Variants in USP34 observed in about 807,000 individuals in gnomAD.
The protein encoded by USP34 is ubiquitin carboxyl-terminal hydrolase 34.
In USP34, 70 loss-of-function variants were observed where a neutral mutation model predicts 460.3. That is an observed-to-expected ratio of 0.15 (90% CI 0.13 to 0.19). USP34 has a LOEUF of 0.19. Among genes scored for constraint, USP34 ranks in the 10% least tolerant of loss-of-function variants. The pLI, the probability that USP34 is intolerant of heterozygous loss-of-function variation, is 1.00. For missense variants in USP34, 3,985 were observed against 4,236.2 expected, an observed-to-expected ratio of 0.94 and a Z score of 1.65; for synonymous variants, 1,647 against 1,405.3, an observed-to-expected ratio of 1.17 and a Z score of -3.85.
At chr2:61,351,589 A>G (rs1391647721) in intron 10 of USP34, among the ~76,000 whole-genome samples, 2 of 152,296 alleles carry the variant, frequency 1.3e-5, no homozygotes, top group East Asian at 1.9e-4. Context: ...CTTTTAATAC[A>G]TAAAAAAATC....
chr2:61,379,692 A>G (rs946010062), intron 7 of USP34, among the ~76,000 whole-genome samples: 4 of 152,208 alleles, frequency 2.6e-5, no homozygotes, highest in African/African-American at 9.6e-5. Context: ...CCTTCTTCCA[A>G]CCCCCTCACC....
At position 61,227,303 on chromosome 2, in the gene USP34, T is replaced by C. The variant is rs377415305; in HGVS notation, c.7444-85A>G. The C allele has an allele frequency of 2.1e-5, 30 of 1,453,028 alleles. 1 individual carries two copies. The highest frequency in any genetic ancestry group is 4.0e-4 in the Middle Eastern group (2 of 5,018). 90.0% of individuals were successfully genotyped at this position (1,453,028 alleles called of 1,614,324 possible). A position where few individuals can be genotyped will look rare whatever the true frequency, so the allele number is the denominator to read the frequency against. ...AAATGACTTGTTTTATGTAACAGTG[T>C]AGATGGTGGCAGGAGCTTGTAACAT... On this transcript the variant is annotated intron_variant, in intron 61 of 79. Transcript: ENST00000398571.
intron 29 of USP34, among the ~76,000 whole-genome samples, chr2:61,298,286 C>G (rs931859329): frequency 2.1e-5 from 3 of 142,022 alleles, no homozygotes; most frequent in African/African-American, 5.3e-5. Context: ...CTTTGGGAGG[C>G]AGAGGTGGGC....
chr2:61,340,697 T>C (rs1691568547), intron 16 of USP34, among the ~76,000 whole-genome samples: 1 of 152,212 alleles, frequency 6.6e-6, no homozygotes, highest in South Asian at 2.1e-4. Context: ...TCTTTTCGTA[T>C]GCTTATTAGC....
chr2:61,297,914 C>T (rs915925500), intron 29 of USP34, among the ~76,000 whole-genome samples: 3 of 152,084 alleles, frequency 2.0e-5, no homozygotes, highest in African/African-American at 7.2e-5. Flanking sequence ...GCTTGATGAA[C>T]AAAGAGAAGC....
At chr2:61,385,561 A>G (rs1175514910) in intron 5 of USP34, among the ~76,000 whole-genome samples, 1 of 148,204 alleles carries the variant, frequency 6.7e-6, no homozygotes, top group Non-Finnish European at 1.5e-5. Context: ...AGTCCCAGCT[A>G]CTTGGGAGGC....
chr2:61,362,173 T>C (rs897705361), intron 10 of USP34, among the ~76,000 whole-genome samples: 12 of 152,194 alleles, frequency 7.9e-5, no homozygotes, highest in African/African-American at 2.9e-4. Context: ...TAGCAAGAAA[T>C]GTGGAGAAAT....
intron 29 of USP34, among the ~76,000 whole-genome samples, chr2:61,299,519 G>T (rs1456655631): frequency 2.6e-5 from 4 of 152,132 alleles, no homozygotes; most frequent in African/African-American, 4.8e-5. Flanking sequence ...TTAGGAGGCT[G>T]AGGTGGGAGG....
intron 1 of USP34, among the ~76,000 whole-genome samples, chr2:61,442,329 G>A (rs1215885620): frequency 6.7e-6 from 1 of 149,804 alleles, no homozygotes; most frequent in African/African-American, 2.5e-5. Context: ...CCTACAGAAT[G>A]AGACAAACTA....
intron 1 of USP34, among the ~76,000 whole-genome samples, chr2:61,429,712 GACTT>G (rs1473272041): frequency 6.6e-6 from 1 of 152,166 alleles, no homozygotes; most frequent in African/African-American, 2.4e-5. Flanking sequence ...CAACATGGAT[GACTT>G]CTAACCGTAT....
intron 3 of USP34, among the ~76,000 whole-genome samples, chr2:61,400,400 C>G (rs537819774): frequency 1.3e-3 from 196 of 152,144 alleles, no homozygotes; most frequent in Non-Finnish European, 2.3e-3. Context: ...TGAGCCACCG[C>G]GCCCGGCCAG....
At position 61,246,347 on chromosome 2, in the gene USP34, G is replaced by T; in HGVS notation, c.6525C>A (p.Pro2175=). ...ACCATTTATTGTTTTTATAAGCATG[G>T]GGATTTACTATATCTCTGATAAAGC... ...YYSFIRDIVN[P]HAYKNNKWYL... The change falls in exon 50 of 80, where the codon CCC becomes CCA. Residue 2175 remains proline (P), a synonymous_variant. Coordinates refer to ENST00000398571, the MANE Select transcript of USP34 (RefSeq NM_014709.4). 1 of 1,576,534 alleles carries T rather than the reference G, an allele frequency of 6.3e-7. No homozygotes were observed. Among genetic ancestry groups the T allele is most frequent in the Non-Finnish European group, 8.6e-7 (1 of 1,162,890 alleles).
chr2:61,438,134 C>T (rs560099290), intron 1 of USP34, among the ~76,000 whole-genome samples: 1 of 152,212 alleles, frequency 6.6e-6, no homozygotes, highest in South Asian at 2.1e-4. Context: ...AATCCAACAA[C>T]ACATCAAAAT....
chr2:61,369,283 C>G (rs1290555090), intron 10 of USP34, among the ~76,000 whole-genome samples: 1 of 152,092 alleles, frequency 6.6e-6, no homozygotes, highest in Non-Finnish European at 1.5e-5. Context: ...CATAGCTACA[C>G]AAAAGTTTCA....
intron 1 of USP34, among the ~76,000 whole-genome samples, chr2:61,431,581 C>A (rs1008822136): frequency 3.3e-5 from 5 of 152,162 alleles, no homozygotes; most frequent in Admixed American, 2.6e-4. Context: ...GCTGGCCGGG[C>A]GTGGTGGCTC....
intron 41 of USP34, among the ~76,000 whole-genome samples, chr2:61,272,716 C>G (rs750155575): frequency 2.0e-5 from 3 of 152,142 alleles, no homozygotes; most frequent in Admixed American, 6.6e-5. Flanking sequence ...TCCCTTAACA[C>G]TGAAACGAAG....
intron 67 of USP34, among the ~76,000 whole-genome samples, chr2:61,215,303 G>T (rs1030682048): frequency 6.6e-6 from 1 of 152,048 alleles, no homozygotes; most frequent in African/African-American, 2.4e-5. Context: ...AGAACTGGGT[G>T]TTAAATTGTA....
At chr2:61,384,534 A>G (rs1385008665) in intron 5 of USP34, among the ~76,000 whole-genome samples, 2 of 151,962 alleles carry the variant, frequency 1.3e-5, no homozygotes. Context: ...TAAGCCAGGC[A>G]TGGTGTCACA....
At chr2:61,285,942 T>A (rs1689676659) in intron 34 of USP34, among the ~76,000 whole-genome samples, 1 of 152,174 alleles carries the variant, frequency 6.6e-6, no homozygotes, top group Non-Finnish European at 1.5e-5. Flanking sequence ...TTGGAAGGCA[T>A]TCTGTGCACA....
Sources: gnomAD v4.1 joint callset for allele counts (sites outside exome capture counted in the v4.1 genomes callset) on GRCh38, gnomAD v4.1.1 for gene constraint, MANE v1.5 for transcripts, NCBI Gene and HGNC (gene_info 2026-07-23, HGNC 2026-07-21) for gene names.